Variants in RETSAT observed in about 807,000 individuals in gnomAD.
The protein encoded by RETSAT is all-trans-retinol 13,14-reductase.
In RETSAT, 35 loss-of-function variants were observed where a neutral mutation model predicts 61.6. That is an observed-to-expected ratio of 0.57 (90% CI 0.43 to 0.75). RETSAT has a LOEUF of 0.75. Ranked by LOEUF, RETSAT falls within the 30% of genes least tolerant of loss-of-function variation. The pLI is 0.00. For missense variants in RETSAT, 670 were observed against 759.5 expected, an observed-to-expected ratio of 0.88 and a Z score of 1.38; for synonymous variants, 277 against 310.4, an observed-to-expected ratio of 0.89 and a Z score of 1.13.
intron 6 of RETSAT, 40 bp downstream of exon 6, chr2:85,345,935 G>A (rs1432781357): frequency 1.2e-6 from 2 of 1,613,716 alleles, no homozygotes; most frequent in South Asian, 2.2e-5. Context: ...GGGACACATT[G>A]GGGAACCTGC....
At chr2:85,349,688 A>T (rs1343334789) in intron 4 of RETSAT, 107 bp from the exon 5 acceptor site, 6 of 976,444 alleles carry the variant, frequency 6.1e-6, no homozygotes, top group Non-Finnish European at 9.5e-6. Context: ...CTATCCGAGG[A>T]ACCACATGTT....
chr2:85,343,018 G>A lies in RETSAT; in HGVS notation c.*224C>T. On this transcript the variant is annotated 3_prime_UTR_variant, in exon 11 of 11. Transcript: ENST00000295802. ...AAGTCAATATCCTATTAGTAGGGAT[G>A]GCATGTTATAAAAGGCGTAAAGATC... is the stretch of plus-strand genomic sequence containing the variant. The A allele has an allele frequency of 2.0e-6, 1 of 494,812 alleles. No homozygotes were observed. Among genetic ancestry groups the A allele is most frequent in the Non-Finnish European group, 3.6e-6 (1 of 274,352 alleles). 30.7% of individuals were successfully genotyped at this position (494,812 alleles called of 1,614,324 possible). A position where few individuals can be genotyped will look rare whatever the true frequency, so the allele number is the denominator to read the frequency against.
chr2:85,346,433 A>G (rs1683203689), intron 5 of RETSAT, among the ~76,000 whole-genome samples: 1 of 152,182 alleles, frequency 6.6e-6, no homozygotes, highest in Non-Finnish European at 1.5e-5. Flanking sequence ...CTCTGCTGCC[A>G]GAGTTGTTTC....
Position 85,350,841 on chromosome 2 carries a change from C to T in RETSAT, c.536G>A (p.Gly179Asp), listed in dbSNP as rs1683286827. ...CTCCTGTGGAAACTTCTCCTTGAGGCCCTGAATGTAGGCTTTCTCTCCACT... is the reference window on the plus strand; with the variant it reads ...CTCCTGTGGAAACTTCTCCTTGAGGTCCTGAATGTAGGCTTTCTCTCCACT... ...MYSGEKAYIQGLKEKFPQEEA... is the reference protein window; with the variant it reads ...MYSGEKAYIQDLKEKFPQEEA... Residue 179 changes from glycine to aspartate, a missense_variant, in exon 3 of 11, where the codon GGC (glycine) becomes GAC (aspartate). By Grantham distance (94) the Gly-to-Asp change is moderately conservative. Coordinates refer to ENST00000295802, the MANE Select transcript of RETSAT (RefSeq NM_017750.4). The T allele has an allele frequency of 6.2e-7, 1 of 1,614,076 alleles. No individual in the cohort carries two copies. The highest frequency in any genetic ancestry group is 1.3e-5 in the African/African-American group (1 of 74,930).
rs71337783 is a variant in RETSAT at position 85,343,353 on chromosome 2, G to T, written c.1722C>A (p.Val574=). The part of the protein sequence containing the change: ...TGQDIFTCGL[V]GALQGALLCS... ...ACAGCAGGGCACCTTGCAGGGCCCCGACCAGTCCACAGGTGAAGATATCCT... is the reference window on the plus strand; with the variant it reads ...ACAGCAGGGCACCTTGCAGGGCCCCTACCAGTCCACAGGTGAAGATATCCT... The change falls in exon 11 of 11, where the codon GTC becomes GTA. Residue 574 remains valine (V), a synonymous_variant. Transcript: ENST00000295802. 52 of 1,613,976 alleles carry T rather than the reference G, an allele frequency of 3.2e-5. No homozygotes were observed. Among genetic ancestry groups the T allele is most frequent in the Non-Finnish European group, 4.0e-5 (47 of 1,179,990 alleles).
rs576630807 is a variant in RETSAT at position 85,353,193 on chromosome 2, C to T, written c.172+1143G>A. The stretch of plus-strand genomic sequence containing the variant: ...AGTTGTGGCCAGGCGTGATGGCTCA[C>T]GCCTGTAATCCCAACACTTTGGGAG... On this transcript the variant is annotated intron_variant, in intron 1 of 10. Transcript: ENST00000295802. Among the ~76,000 whole-genome samples the T allele has an allele frequency of 6.6e-5, 10 of 152,316 alleles. No homozygotes were observed. In the East Asian group the frequency reaches 1.5e-3, roughly 24 times the overall value.
At chr2:85,344,761 T>C in intron 6 of RETSAT, 29 bp from the exon 7 acceptor site, 2 of 1,610,620 alleles carry the variant, frequency 1.2e-6, no homozygotes, top group Non-Finnish European at 1.7e-6. Flanking sequence ...GGTGCCTGTG[T>C]GGACCATGGC....
rs1683197312 is a variant in RETSAT at position 85,346,111 on chromosome 2, T to C, written c.998-17A>G. 1.2e-6 allele frequency: 2 copies of C among 1,605,326 alleles called. No individual in the cohort carries two copies. The highest frequency in any genetic ancestry group is 1.7e-5 in the Admixed American group (1 of 59,764). Reference sequence around the variant, plus strand: ...CACTGACACCTGCAGGCACAAGAGCTTGGCTGAGGGTCTGTGAGCTCTGGG... The same window carrying C: ...CACTGACACCTGCAGGCACAAGAGCCTGGCTGAGGGTCTGTGAGCTCTGGG... On this transcript the variant is annotated splice_polypyrimidine_tract_variant and intron_variant, in intron 5 of 10. Transcript: ENST00000295802.
At chr2:85,352,159 A>G (rs996373076) in intron 1 of RETSAT, among the ~76,000 whole-genome samples, 2 of 152,070 alleles carry the variant, frequency 1.3e-5, no homozygotes, top group African/African-American at 4.8e-5. Flanking sequence ...GCCTCAAGCA[A>G]TCCTCCTGCC....
At chr2:85,351,092 G>C in intron 2 of RETSAT, 71 bp from the exon 3 acceptor site, 1 of 1,579,464 alleles carries the variant, frequency 6.3e-7, no homozygotes, top group South Asian at 1.1e-5. Context: ...GGCTGAGGAA[G>C]TGAGGTGGAA....
Position 85,350,828 on chromosome 2 carries a change from C to A in RETSAT, c.549G>T (p.Lys183Asn). The A allele has an allele frequency of 1.9e-6, 3 of 1,614,220 alleles. No homozygotes were observed. The South Asian group carries it at 3.3e-5, about 18-fold the overall frequency. ...EKAYIQGLKE[K>N]FPQEEAIIDK... The stretch of plus-strand genomic sequence containing the variant: ...CAATGATAGCTTCCTCCTGTGGAAA[C>A]TTCTCCTTGAGGCCCTGAATGTAGG... The change falls in exon 3 of 11, where the codon AAG becomes AAT. Residue 183 changes from lysine to asparagine, a missense_variant. Lys to Asn is a moderately conservative substitution (Grantham distance 94, BLOSUM62 0). Coordinates refer to ENST00000295802, the MANE Select transcript of RETSAT (RefSeq NM_017750.4).
At chr2:85,347,367 T>A (rs1683219988) in intron 5 of RETSAT, among the ~76,000 whole-genome samples, 1 of 152,142 alleles carries the variant, frequency 6.6e-6, no homozygotes, top group Non-Finnish European at 1.5e-5. Context: ...TAGCTAGGAT[T>A]ACAGGCTCCC....
chr2:85,343,193 G>C lies in RETSAT; in HGVS notation c.*49C>G. The C allele has an allele frequency of 6.2e-7, 1 of 1,606,394 alleles. No homozygotes were observed. ...GAAAGACATTATGGGTAAGTCAAGG[G>C]AGATGCCCCAGCCATTGGGCAAATT... On this transcript the variant is annotated 3_prime_UTR_variant, in exon 11 of 11. Transcript: ENST00000295802.
In RETSAT at chr2:85,353,043, TA is replaced by T. The variant is rs369177716; in HGVS notation, c.173-1182del. Reference sequence around the variant, plus strand: ...TTAATGTTTTTAGAGAGATCAATAGTAAAAAAAAATTTCACATGTAAGTATA... The same window carrying T: ...TTAATGTTTTTAGAGAGATCAATAGTAAAAAAAATTTCACATGTAAGTATA... On this transcript the variant is annotated intron_variant, in intron 1 of 10. Coordinates refer to ENST00000295802, the MANE Select transcript of RETSAT (RefSeq NM_017750.4). Among the ~76,000 whole-genome samples, 844 of 151,862 alleles carry T rather than the reference TA, an allele frequency of 5.6e-3. 9 individuals carry two copies. Among genetic ancestry groups the T allele is most frequent in the African/African-American group, 0.02 (810 of 41,436 alleles).
chr2:85,347,087 T>C (rs1196961946), intron 5 of RETSAT, among the ~76,000 whole-genome samples: 2 of 152,072 alleles, frequency 1.3e-5, no homozygotes, highest in Non-Finnish European at 2.9e-5. Context: ...TCCTGGAATA[T>C]TCTCCAACCT....
intron 6 of RETSAT, 72 bp downstream of exon 6, chr2:85,345,903 C>G (rs768566316): frequency 1.3e-6 from 2 of 1,596,724 alleles, no homozygotes; most frequent in South Asian, 1.1e-5. Context: ...ATGACCCACA[C>G]GGAGCAGGTT....
chr2:85,351,468 G>A (rs1355766365), intron 2 of RETSAT: 2 of 531,542 alleles, frequency 3.8e-6, no homozygotes, highest in East Asian at 3.2e-5. Context: ...GAACTCAGGA[G>A]GCAGAGGTTA....
Position 85,350,260 on chromosome 2 carries a change from A to C in RETSAT, c.598-19T>G. On this transcript the variant is annotated intron_variant, in intron 3 of 10. Transcript: ENST00000295802. The stretch of plus-strand genomic sequence containing the variant: ...ATACCACCTGGGGGAGTGAATGAGG[A>C]CAGCAGGCCTCACCTCTAGAACCGC... 3 of 1,582,640 alleles carry C rather than the reference A, an allele frequency of 1.9e-6. No homozygotes were observed. The highest frequency in any genetic ancestry group is 2.6e-6 in the Non-Finnish European group (3 of 1,151,698).
Position 85,349,497 on chromosome 2 carries a change from C to A in RETSAT, c.884G>T (p.Gly295Val), listed in dbSNP as rs1224440179. 1.9e-6 allele frequency: 3 copies of A among 1,614,040 alleles called. No individual in the cohort carries two copies. Among genetic ancestry groups the A allele is most frequent in the Non-Finnish European group, 1.7e-6 (2 of 1,180,016 alleles). ...GGTGTGGAAGGCAATTTCACTGGAA[C>A]CCCCTCGGGGATAAAAGCCTCCTTT... ...YMKGGFYPRG[G>V]SSEIAFHTIP... is the part of the protein sequence containing the mutation. The change falls in exon 5 of 11, where the codon GGT (glycine) becomes GTT (valine). Residue 295 changes from glycine (G) to valine (V), a missense_variant. Gly to Val is a moderately radical substitution (Grantham distance 109, BLOSUM62 -3). Transcript: ENST00000295802.
Sources: gnomAD v4.1 joint callset for allele counts (sites outside exome capture counted in the v4.1 genomes callset) on GRCh38, gnomAD v4.1.1 for gene constraint, MANE v1.5 for transcripts, NCBI Gene and HGNC (gene_info 2026-07-23, HGNC 2026-07-21) for gene names.